The following RIN2 variants were observed in gnomAD, a reference collection of about 807,000 sequenced individuals.
The protein encoded by RIN2 is Ras and Rab interactor 2, also known as RAB5 interacting protein 2.
Under a neutral mutation model 78.0 loss-of-function variants are expected in RIN2, and 36 were observed. The observed-to-expected ratio is 0.46, with a 90% CI of 0.35 to 0.61. The LOEUF is 0.61. RIN2 is among the 20% of genes least tolerant of loss of function. The pLI is 0.00. For synonymous variants in RIN2, 466 were observed against 466.8 expected (o/e 1.00, Z 0.02); for missense variants, 1,087 against 1,159.7 (o/e 0.94, Z 0.91).
chr20:19,941,210 C>G (rs1350176186), intron 4 of RIN2, among the ~76,000 whole-genome samples: 2 of 152,210 alleles, frequency 1.3e-5, no homozygotes, highest in East Asian at 3.8e-4. Flanking sequence ...AAGCTCTGAG[C>G]TTCCCAGTGG....
At chr20:19,946,443 C>T (rs1228052451) in intron 4 of RIN2, among the ~76,000 whole-genome samples, 3 of 152,116 alleles carry the variant, frequency 2.0e-5, no homozygotes, top group Non-Finnish European at 4.4e-5. Context: ...AGGCCGGCGC[C>T]GGGGTTCACA....
Position 20,001,101 on chromosome 20 carries a change from G to C in RIN2, c.*165G>C, listed in dbSNP as rs537622240. 3.3e-6 allele frequency: 2 copies of C among 607,806 alleles called. No individual in the cohort carries two copies. The highest frequency in any genetic ancestry group is 5.7e-6 in the Non-Finnish European group (2 of 349,932). The allele number at this position is 607,806 out of a possible 1,614,324, so 37.7% of individuals were successfully genotyped here. The stretch of plus-strand genomic sequence containing the variant: ...CTCGGCCAAGGGCAACTTTAGCCAC[G>C]CAAGGTAGCTGAGGTTTGTGAAACA... On this transcript the variant is annotated 3_prime_UTR_variant, in exon 13 of 13. Coordinates refer to ENST00000255006, the MANE Select transcript of RIN2 (RefSeq NM_018993.4).
chr20:19,780,989 G>A (rs1023181226), intron 1 of RIN2, among the ~76,000 whole-genome samples: 3 of 152,146 alleles, frequency 2.0e-5, no homozygotes, highest in African/African-American at 4.8e-5. Context: ...TGGTTGCAGC[G>A]AGCCACTAAA....
intron 2 of RIN2, among the ~76,000 whole-genome samples, chr20:19,843,307 TCAAA>T (rs919362047): frequency 2.6e-5 from 4 of 152,182 alleles, no homozygotes; most frequent in African/African-American, 9.7e-5. Context: ...TAAAATGCTA[TCAAA>T]CAACATCACA....
intron 6 of RIN2, among the ~76,000 whole-genome samples, chr20:19,961,434 G>A (rs1158827162): frequency 6.6e-6 from 1 of 152,146 alleles, no homozygotes; most frequent in Non-Finnish European, 1.5e-5. Context: ...AATAAAAAAG[G>A]GAACACCCAG....
chr20:19,887,249 G>T (rs988972052), intron 2 of RIN2, among the ~76,000 whole-genome samples: 2 of 151,620 alleles, frequency 1.3e-5, no homozygotes, highest in East Asian at 3.9e-4. Context: ...GTCTCAAACT[G>T]CTGGATTCAA....
chr20:19,989,245 G>A (rs949620859), intron 9 of RIN2, among the ~76,000 whole-genome samples: 6 of 137,784 alleles, frequency 4.4e-5, no homozygotes, highest in Non-Finnish European at 8.8e-5. Flanking sequence ...ACTATATTTA[G>A]GTGGATCTAT....
chr20:19,905,449 G>A (rs553319578), intron 3 of RIN2, among the ~76,000 whole-genome samples: 2 of 152,292 alleles, frequency 1.3e-5, no homozygotes, highest in Admixed American at 6.5e-5. Context: ...CTGGCTGGGC[G>A]AAGTGGCTCA....
intron 3 of RIN2, among the ~76,000 whole-genome samples, chr20:19,918,369 GTGT>G (rs1369817153): frequency 6.6e-6 from 1 of 151,562 alleles, no homozygotes; most frequent in East Asian, 1.9e-4. Flanking sequence ...GTGTGTGTGT[GTGT>G]GTGTGTGTGT....
chr20:19,765,996 C>T (rs567979824), intron 1 of RIN2, among the ~76,000 whole-genome samples: 3 of 152,080 alleles, frequency 2.0e-5, no homozygotes, highest in South Asian at 2.1e-4. Flanking sequence ...CCTAGGTTGA[C>T]GGAGGCGCTT....
intron 1 of RIN2, among the ~76,000 whole-genome samples, chr20:19,789,408 G>C (rs918892539): frequency 2.6e-5 from 4 of 152,140 alleles, no homozygotes; most frequent in African/African-American, 9.7e-5. Context: ...GCACTTTACT[G>C]TATGTTAATT....
rs1334412781 is a variant in RIN2, at chr20:19,996,690, T to C, written c.2212T>C (p.Leu738=). ...TCTGCTCTTTTCAGGAGGCTATTACTTGACAAGCGCATATGGAGCACTTTC... is the reference window on the plus strand; with the variant it reads ...TCTGCTCTTTTCAGGAGGCTATTACCTGACAAGCGCATATGGAGCACTTTC... The part of the protein sequence containing the change: ...SLLHGEGGYY[L]TSAYGALSLI... Residue 738 remains leucine, a synonymous_variant, in exon 12 of 13, where the codon TTG becomes CTG. Coordinates refer to ENST00000255006, the MANE Select transcript of RIN2 (RefSeq NM_018993.4). 1 of 1,614,048 alleles carries C rather than the reference T, an allele frequency of 6.2e-7. No homozygotes were observed. The highest frequency in any genetic ancestry group is 1.7e-5 in the Admixed American group (1 of 60,032).
At chr20:19,866,537 T>C (rs2037512349) in intron 2 of RIN2, among the ~76,000 whole-genome samples, 1 of 152,200 alleles carries the variant, frequency 6.6e-6, no homozygotes, top group African/African-American at 2.4e-5. Context: ...ACAAAACACA[T>C]AGCCATATAT....
chr20:19,992,263 A>T lies in RIN2; in HGVS notation c.2164A>T (p.Met722Leu), dbSNP rs761550976. 2 of 1,588,146 alleles carry T rather than the reference A, an allele frequency of 1.3e-6. No homozygotes were observed. The highest frequency in any genetic ancestry group is 1.7e-6 in the Non-Finnish European group (2 of 1,166,298). ...LELDTEIEYM[M>L]ELLDPSLLHG... ...ATTGGACACTGAAATCGAGTACATG[A>T]TGGAGCTCCTAGACCCATCGCTGTT... is the stretch of plus-strand genomic sequence containing the variant. Residue 722 changes from methionine to leucine, a missense_variant, in exon 11 of 13, where the codon ATG becomes TTG. By Grantham distance (15) the Met-to-Leu change is conservative. Transcript: ENST00000255006.
chr20:19,975,792 G>C lies in RIN2; in HGVS notation c.1762+5G>C. 2 of 1,600,258 alleles carry C rather than the reference G, an allele frequency of 1.2e-6. No individual in the cohort carries two copies. The highest frequency in any genetic ancestry group is 1.7e-6 in the Non-Finnish European group (2 of 1,173,338). ...TGATCCCTGAAGACCAAATAGGTAAGTACCCTCTTTTTTAAAATATAAAAT... is the reference window on the plus strand; with the variant it reads ...TGATCCCTGAAGACCAAATAGGTAACTACCCTCTTTTTTAAAATATAAAAT... On this transcript the variant is annotated splice_donor_5th_base_variant and intron_variant, in intron 9 of 12. Coordinates refer to ENST00000255006, the MANE Select transcript of RIN2 (RefSeq NM_018993.4). This position sits in a 1 kb window ranked among gnomAD's most constrained non-coding sequence, Gnocchi z 4.9.
chr20:19,863,720 G>A (rs1030880498), intron 2 of RIN2, among the ~76,000 whole-genome samples: 1 of 152,168 alleles, frequency 6.6e-6, no homozygotes, highest in African/African-American at 2.4e-5. Context: ...TTGCTTCTGG[G>A]AGAAGGCAAA....
intron 2 of RIN2, among the ~76,000 whole-genome samples, chr20:19,838,127 T>C (rs2036475838): frequency 6.6e-6 from 1 of 152,220 alleles, no homozygotes. Context: ...TTCCATCTTC[T>C]TTTAACATGA....
chr20:20,001,225 A>AGGTATGTAT lies in RIN2; in HGVS notation c.*290_*298dup. On this transcript the variant is annotated 3_prime_UTR_variant, in exon 13 of 13. Transcript: ENST00000255006. ...CCAGTCAGGTTCTAGGTTGGCTTAC[A>AGGTATGTAT]GGTATGTATATGTGCAGAAGAAACA... The AGGTATGTAT allele has an allele frequency of 2.5e-6, 1 of 408,130 alleles. No individual in the cohort carries two copies. Among genetic ancestry groups the AGGTATGTAT allele is most frequent in the African/African-American group, 2.0e-5 (1 of 50,942 alleles). 25.3% of individuals were successfully genotyped at this position (408,130 alleles called of 1,614,324 possible). A position where few individuals can be genotyped will look rare whatever the true frequency, so the allele number is the denominator to read the frequency against.
At chr20:19,995,420 G>C (rs917907859) in intron 11 of RIN2, among the ~76,000 whole-genome samples, 2 of 152,112 alleles carry the variant, frequency 1.3e-5, no homozygotes, top group African/African-American at 2.4e-5. Context: ...AAAATATGCT[G>C]TGCCCAATTA....
Sources: gnomAD v4.1 joint callset for allele counts (sites outside exome capture counted in the v4.1 genomes callset) on GRCh38, gnomAD v4.1.1 for gene constraint, Gnocchi (gnomAD v3.1) non-coding constraint, MANE v1.5 for transcripts, NCBI Gene and HGNC (gene_info 2026-07-23, HGNC 2026-07-21) for gene names.